The following LSAMP variants were observed in gnomAD, a reference collection of about 807,000 sequenced individuals.
The protein encoded by LSAMP is limbic system-associated membrane protein.
LSAMP carries 7 observed loss-of-function variants against 38.6 expected under a neutral mutation model. That is an observed-to-expected ratio of 0.18 (90% CI 0.10 to 0.34). The LOEUF is 0.34. Ranked by LOEUF, LSAMP falls within the 10% of genes least tolerant of loss-of-function variation. LSAMP has a pLI of 1.00. For missense variants in LSAMP, 313 were observed against 420.0 expected (o/e 0.75, Z 2.23); for synonymous variants, 154 against 166.8 (o/e 0.92, Z 0.59).
chr3:116,016,339 T>C (rs530483534), intron 3 of LSAMP, among the ~76,000 whole-genome samples: 2 of 152,294 alleles, frequency 1.3e-5, no homozygotes, highest in South Asian at 4.1e-4. Context: ...CATGGGAATG[T>C]AAGGGAGAAT....
intron 1 of LSAMP, among the ~76,000 whole-genome samples, chr3:116,400,402 C>T (rs977394342): frequency 1.3e-5 from 2 of 150,808 alleles, no homozygotes; most frequent in East Asian, 3.9e-4. Flanking sequence ...TTCTCTCTCT[C>T]TCTCCTTCTT....
intron 1 of LSAMP, among the ~76,000 whole-genome samples, chr3:116,346,723 G>A (rs181249731): frequency 1.0e-3 from 159 of 152,220 alleles, no homozygotes; most frequent in Non-Finnish European, 1.5e-3. Flanking sequence ...TGTATGTGTC[G>A]ACACATGTCA....
At chr3:116,316,349 C>T (rs565170912) in intron 1 of LSAMP, among the ~76,000 whole-genome samples, 1 of 152,234 alleles carries the variant, frequency 6.6e-6, no homozygotes, top group Non-Finnish European at 1.5e-5. Context: ...TAGGAGTTAT[C>T]ATTCATCAAA....
At chr3:116,319,825 G>A (rs2047683665) in intron 1 of LSAMP, among the ~76,000 whole-genome samples, 1 of 149,856 alleles carries the variant, frequency 6.7e-6, no homozygotes, top group Admixed American at 6.6e-5. Flanking sequence ...TAATAAAAAT[G>A]GAAAGTTTAG....
chr3:116,320,893 G>T (rs2047698541), intron 1 of LSAMP, among the ~76,000 whole-genome samples: 1 of 151,962 alleles, frequency 6.6e-6, no homozygotes, highest in Admixed American at 6.6e-5. Context: ...CTCCCTTTAG[G>T]ATCATTCTGA....
intron 3 of LSAMP, among the ~76,000 whole-genome samples, chr3:115,927,422 T>C (rs1466009564): frequency 6.6e-6 from 1 of 152,186 alleles, no homozygotes; most frequent in Non-Finnish European, 1.5e-5. Context: ...TGCAGCTTTC[T>C]ATGCCTCCTC....
chr3:116,280,991 G>T (rs573202799), intron 1 of LSAMP, among the ~76,000 whole-genome samples: 6 of 152,036 alleles, frequency 3.9e-5, no homozygotes, highest in Admixed American at 3.3e-4. Flanking sequence ...GGGAAGGAAA[G>T]AAAAAGAATG....
At position 116,333,112 on chromosome 3, in the gene LSAMP, C is replaced by T. The variant is rs184673839; in HGVS notation, c.155+111765G>A. ...ATAAGTAAGAAAATATAGGACCTAA[C>T]ACAATAAACCAACTAGATCTACCAG... On this transcript the variant is annotated intron_variant, in intron 1 of 6. Transcript: ENST00000490035. Among the ~76,000 whole-genome samples the T allele has an allele frequency of 2.6e-4, 40 of 152,152 alleles. No homozygotes were observed. The South Asian group carries it at 2.9e-3, about 11-fold the overall frequency.
intron 1 of LSAMP, among the ~76,000 whole-genome samples, chr3:116,118,710 C>A (rs1284544994): frequency 2.6e-5 from 4 of 151,946 alleles, no homozygotes; most frequent in African/African-American, 4.8e-5. Context: ...CACACACATG[C>A]CTGATAAAGA....
chr3:116,298,318 A>C (rs1276190952), intron 1 of LSAMP, among the ~76,000 whole-genome samples: 1 of 152,164 alleles, frequency 6.6e-6, no homozygotes. Flanking sequence ...TTTCTGCCCA[A>C]AATCATGCCC....
At chr3:116,305,931 T>G (rs2047478201) in intron 1 of LSAMP, among the ~76,000 whole-genome samples, 1 of 50,930 alleles carries the variant, frequency 2.0e-5, no homozygotes, top group African/African-American at 4.1e-5. Flanking sequence ...ATTATTTCAG[T>G]GCTTTTTTTT....
chr3:116,011,803 T>C (rs570946545), intron 3 of LSAMP, among the ~76,000 whole-genome samples: 19 of 152,348 alleles, frequency 1.2e-4, no homozygotes, highest in Admixed American at 1.2e-3. Context: ...CTTACCTTTC[T>C]GGCTCAGACA....
chr3:116,253,551 A>C (rs966985412), intron 1 of LSAMP, among the ~76,000 whole-genome samples: 1 of 152,242 alleles, frequency 6.6e-6, no homozygotes, highest in Non-Finnish European at 1.5e-5. Flanking sequence ...AGAGCACTAC[A>C]TAATGTTAAG....
intron 4 of LSAMP, among the ~76,000 whole-genome samples, chr3:115,851,111 C>G (rs1935317033): frequency 6.6e-6 from 1 of 152,026 alleles, no homozygotes; most frequent in Non-Finnish European, 1.5e-5. Flanking sequence ...GTAACTGGGA[C>G]TACAGGCACC....
At chr3:116,415,812 A>G (rs2049041983) in intron 1 of LSAMP, among the ~76,000 whole-genome samples, 1 of 152,156 alleles carries the variant, frequency 6.6e-6, no homozygotes, top group Non-Finnish European at 1.5e-5. Context: ...ATTCTGGACT[A>G]TATCAACAAG....
intron 1 of LSAMP, among the ~76,000 whole-genome samples, chr3:116,331,923 G>A (rs536252884): frequency 2.0e-5 from 3 of 151,934 alleles, no homozygotes; most frequent in South Asian, 2.1e-4. Flanking sequence ...CACTCACCTT[G>A]AAGATCTGGG....
At chr3:115,893,381 C>T (rs1312014839) in intron 3 of LSAMP, among the ~76,000 whole-genome samples, 3 of 152,018 alleles carry the variant, frequency 2.0e-5, no homozygotes, top group African/African-American at 4.8e-5. Flanking sequence ...ATATTGTCAA[C>T]TCAAATAATA....
Position 116,220,628 on chromosome 3 carries a change from T to C in LSAMP, c.156-134072A>G, listed in dbSNP as rs549326322. 1.1e-3 allele frequency among the ~76,000 whole-genome samples: 168 copies of C among 152,334 alleles called. 4 individuals carry two copies. The highest frequency in any genetic ancestry group is 2.4e-3 in the Admixed American group (37 of 15,308). ...CTTTCAGGTGTCAGGATTTGTTGTA[T>C]GATGGAGCAATCATTACGGATTCTC... On this transcript the variant is annotated intron_variant, in intron 1 of 6. Coordinates refer to ENST00000490035, the MANE Select transcript of LSAMP (RefSeq NM_002338.5).
chr3:116,333,132 T>C lies in LSAMP; in HGVS notation c.155+111745A>G, dbSNP rs2107743344. On this transcript the variant is annotated intron_variant, in intron 1 of 6. Coordinates refer to ENST00000490035, the MANE Select transcript of LSAMP (RefSeq NM_002338.5). Reference sequence around the variant, plus strand: ...CCTAACACAATAAACCAACTAGATCTACCAGACATATTCAGAATACTCTGT... The same window carrying C: ...CCTAACACAATAAACCAACTAGATCCACCAGACATATTCAGAATACTCTGT... Among the ~76,000 whole-genome samples, 2 of 152,276 alleles carry C rather than the reference T, an allele frequency of 1.3e-5. 1 individual carries two copies. Among genetic ancestry groups the C allele is most frequent in the South Asian group, 4.1e-4 (2 of 4,830 alleles).
Sources: allele counts gnomAD v4.1 joint callset (sites outside exome capture counted in the v4.1 genomes callset), GRCh38; gene constraint gnomAD v4.1.1; transcripts MANE v1.5; gene names NCBI Gene and HGNC (gene_info 2026-07-23, HGNC 2026-07-21).